MBNL1: variants seen among roughly 807,000 people sequenced by gnomAD.
The protein encoded by MBNL1 is muscleblind like splicing regulator 1, also known as muscleblind-like protein 1.
Under a neutral mutation model 42.2 loss-of-function variants are expected in MBNL1, and 8 were observed. The ratio of observed to expected loss-of-function variants is 0.19; its 90% confidence interval spans 0.11 to 0.34. The LOEUF is 0.34. Ranked by LOEUF, MBNL1 falls within the 10% of genes least tolerant of loss-of-function variation. The pLI is 1.00. For missense variants in MBNL1, 309 were observed against 495.3 expected, an observed-to-expected ratio of 0.62 and a Z score of 3.57; for synonymous variants, 169 against 173.9, an observed-to-expected ratio of 0.97 and a Z score of 0.22.
intron 2 of MBNL1, 117 bp downstream of exon 2, chr3:152,300,484 T>A (rs919056569): frequency 2.4e-6 from 2 of 830,228 alleles, no homozygotes; most frequent in Non-Finnish European, 3.6e-6. Flanking sequence ...AGTTATACAG[T>A]GTGTTGATGA....
intron 9 of MBNL1, among the ~76,000 whole-genome samples, chr3:152,460,645 AAATACTT>A (rs1744112398): frequency 6.6e-6 from 1 of 151,904 alleles, no homozygotes; most frequent in Admixed American, 6.6e-5. Flanking sequence ...CCACTGTCTT[AAATACTT>A]AAAAAGGTGT....
intron 3 of MBNL1, among the ~76,000 whole-genome samples, chr3:152,425,028 G>A (rs1291472885): frequency 6.6e-6 from 1 of 152,144 alleles, no homozygotes; most frequent in Admixed American, 6.5e-5. Context: ...AACACCAAAA[G>A]CAATGGCAAC....
At chr3:152,339,356 A>C (rs2092424628) in intron 2 of MBNL1, among the ~76,000 whole-genome samples, 1 of 152,170 alleles carries the variant, frequency 6.6e-6, no homozygotes, top group South Asian at 2.1e-4. Flanking sequence ...AGAGGTGGTA[A>C]GGGTGTGTGT....
In MBNL1 at chr3:152,360,372, G is replaced by A. The variant is rs115550942; in HGVS notation, c.175-54569G>A. Among the ~76,000 whole-genome samples, 469 of 151,896 alleles carry A rather than the reference G, an allele frequency of 3.1e-3. 2 individuals are homozygous for A. The highest frequency in any genetic ancestry group is 0.011 in the African/African-American group (447 of 41,422). On this transcript the variant is annotated intron_variant, in intron 2 of 9. Coordinates refer to ENST00000324210, the MANE Select transcript of MBNL1 (RefSeq NM_021038.5). The stretch of plus-strand genomic sequence containing the variant: ...ATATACCCGTTTAATAATTATCTTG[G>A]TAATGTTAATAAAAATTTTAATTGT...
At chr3:152,266,699 CA>C (rs987065446), upstream of MBNL1, 1 of 152,104 alleles carries the variant, frequency 6.6e-6, no homozygotes, top group Non-Finnish European at 1.5e-5. Context: ...CAATGGGAGG[CA>C]AAATGAAGAC....
chr3:152,343,669 G>T (rs908591602), intron 2 of MBNL1, among the ~76,000 whole-genome samples: 1 of 152,050 alleles, frequency 6.6e-6, no homozygotes, highest in African/African-American at 2.4e-5. Flanking sequence ...GGAGCTGAGG[G>T]TGCATAACAT....
intron 2 of MBNL1, among the ~76,000 whole-genome samples, chr3:152,341,668 G>A (rs1473680834): frequency 2.0e-5 from 3 of 152,164 alleles, no homozygotes; most frequent in Non-Finnish European, 4.4e-5. Flanking sequence ...AATTGAGATT[G>A]AGTAATGTCA....
chr3:152,453,702 CT>C (rs1302078633), intron 6 of MBNL1, among the ~76,000 whole-genome samples: 4 of 152,166 alleles, frequency 2.6e-5, no homozygotes, highest in African/African-American at 9.7e-5. Context: ...CTGCAAATCC[CT>C]CTCAAAACTG....
At chr3:152,416,955 CTTTA>C (rs758219926) in intron 3 of MBNL1, among the ~76,000 whole-genome samples, 10 of 152,122 alleles carry the variant, frequency 6.6e-5, no homozygotes, top group Non-Finnish European at 1.2e-4. Context: ...CATATTCAGG[CTTTA>C]TGTTAATTTT....
intron 2 of MBNL1, among the ~76,000 whole-genome samples, chr3:152,373,693 C>G (rs1213275721): frequency 3.3e-5 from 5 of 152,158 alleles, no homozygotes. Flanking sequence ...GTTGGAAATG[C>G]AGAAATCACC....
At chr3:152,371,077 A>C (rs1362593629) in intron 2 of MBNL1, among the ~76,000 whole-genome samples, 2 of 152,152 alleles carry the variant, frequency 1.3e-5, no homozygotes, top group Non-Finnish European at 2.9e-5. Context: ...TAGTTGATGC[A>C]GATTCTTCAT....
chr3:152,444,850 G>A (rs147737887), intron 4 of MBNL1, among the ~76,000 whole-genome samples: 1 of 151,992 alleles, frequency 6.6e-6, no homozygotes, highest in Non-Finnish European at 1.5e-5. Flanking sequence ...TTAAATTCAG[G>A]CAGTACTACC....
chr3:152,344,916 G>A (rs931340566), intron 2 of MBNL1, among the ~76,000 whole-genome samples: 2 of 152,034 alleles, frequency 1.3e-5, no homozygotes, highest in Non-Finnish European at 2.9e-5. Flanking sequence ...AGACACCCAT[G>A]CTTTTGCTTT....
intron 2 of MBNL1, among the ~76,000 whole-genome samples, chr3:152,366,746 A>G (rs190109434): frequency 2.0e-5 from 3 of 152,306 alleles, no homozygotes; most frequent in African/African-American, 4.8e-5. Flanking sequence ...TTTGAATGTC[A>G]TTATGCTTTG....
intron 6 of MBNL1, among the ~76,000 whole-genome samples, chr3:152,452,120 T>C (rs923355186): frequency 2.6e-5 from 4 of 152,236 alleles, no homozygotes; most frequent in Non-Finnish European, 5.9e-5. Context: ...TAAATTCATA[T>C]TGAAGTTTTG....
chr3:152,320,931 T>G (rs1028162708), intron 2 of MBNL1, among the ~76,000 whole-genome samples: 2 of 152,110 alleles, frequency 1.3e-5, no homozygotes, highest in Non-Finnish European at 2.9e-5. Context: ...CTTCCAACTG[T>G]GAATACTTTA....
chr3:152,353,424 A>G (rs984545182), intron 2 of MBNL1, among the ~76,000 whole-genome samples: 1 of 152,220 alleles, frequency 6.6e-6, no homozygotes, highest in African/African-American at 2.4e-5. Context: ...GTTGCCTTTT[A>G]GAGTAGTCAG....
intron 2 of MBNL1, among the ~76,000 whole-genome samples, chr3:152,246,146 T>C (rs1576760227): frequency 6.6e-6 from 1 of 152,290 alleles, no homozygotes; most frequent in East Asian, 1.9e-4. Context: ...GAAGTTCAAA[T>C]GTCCACAATT....
chr3:152,276,869 A>G (rs1161513868), intron 1 of MBNL1, among the ~76,000 whole-genome samples: 2 of 152,180 alleles, frequency 1.3e-5, no homozygotes, highest in Non-Finnish European at 2.9e-5. Flanking sequence ...TTGTGGTTAT[A>G]CAGAACAGAG....
Sources: allele counts gnomAD v4.1 joint callset (sites outside exome capture counted in the v4.1 genomes callset), GRCh38; gene constraint gnomAD v4.1.1; transcripts MANE v1.5; gene names NCBI Gene and HGNC (gene_info 2026-07-23, HGNC 2026-07-21).